Variants in LRP1B observed in about 807,000 individuals in gnomAD.
The protein encoded by LRP1B is low-density lipoprotein receptor-related protein 1B.
In LRP1B, 217 loss-of-function variants were observed where a neutral mutation model predicts 556.6. That is an observed-to-expected ratio of 0.39 (90% CI 0.35 to 0.44). LRP1B has a LOEUF of 0.44. Among genes scored for constraint, LRP1B ranks in the 20% least tolerant of loss-of-function variants. The pLI is 1.00. For missense variants in LRP1B, 5,053 were observed against 5,620.8 expected (o/e 0.90, Z 3.23); for synonymous variants, 2,047 against 1,865.8 (o/e 1.10, Z -2.50).
chr2:141,968,188 C>A (rs1574542741), intron 1 of LRP1B, among the ~76,000 whole-genome samples: 1 of 151,760 alleles, frequency 6.6e-6, no homozygotes, highest in Non-Finnish European at 1.5e-5. Context: ...AAATGTACAA[C>A]CGTTTTGACT....
chr2:141,411,678 A>T (rs1322678815), intron 3 of LRP1B, among the ~76,000 whole-genome samples: 1 of 152,118 alleles, frequency 6.6e-6, no homozygotes, highest in Non-Finnish European at 1.5e-5. Context: ...ATGCAGTTGA[A>T]ACAACAAATT....
chr2:142,063,489 A>T (rs943102114), intron 1 of LRP1B, among the ~76,000 whole-genome samples: 3 of 151,678 alleles, frequency 2.0e-5, no homozygotes, highest in African/African-American at 7.2e-5. Flanking sequence ...AACAAACAAA[A>T]GTTCTATTCA....
At chr2:140,714,563 G>A (rs1687145490) in intron 37 of LRP1B, among the ~76,000 whole-genome samples, 1 of 152,038 alleles carries the variant, frequency 6.6e-6, no homozygotes, top group Non-Finnish European at 1.5e-5. Context: ...AGACACAAGA[G>A]GTTCTATATA....
At chr2:141,316,982 A>G (rs1687057946) in intron 3 of LRP1B, among the ~76,000 whole-genome samples, 1 of 152,220 alleles carries the variant, frequency 6.6e-6, no homozygotes, top group Non-Finnish European at 1.5e-5. Context: ...GTGATGCCAC[A>G]AAAGGGAATT....
intron 47 of LRP1B, among the ~76,000 whole-genome samples, chr2:140,531,654 T>G (rs1447108451): frequency 6.6e-6 from 1 of 152,126 alleles, no homozygotes; most frequent in Non-Finnish European, 1.5e-5. Context: ...ATCAATCTTT[T>G]CTAAAAACTG....
At chr2:140,993,169 C>T (rs1164533105) in intron 16 of LRP1B, among the ~76,000 whole-genome samples, 1 of 151,094 alleles carries the variant, frequency 6.6e-6, no homozygotes, top group Admixed American at 6.6e-5. Context: ...TAGTTCAGAC[C>T]TAAAAAAGGA....
At chr2:140,368,144 A>G (rs896505992) in intron 71 of LRP1B, among the ~76,000 whole-genome samples, 5 of 151,862 alleles carry the variant, frequency 3.3e-5, no homozygotes, top group Admixed American at 6.6e-5. Context: ...GAAATGGCAT[A>G]AAGCACATAT....
rs200076554 is a variant in LRP1B at position 140,309,046 on chromosome 2, A to G, written c.12805+5889T>C. On this transcript the variant is annotated intron_variant, in intron 83 of 90. Transcript: ENST00000389484. The stretch of plus-strand genomic sequence containing the variant: ...TTGATTCAAGTAATAAAAGTTCTGA[A>G]TGCTTTAAAAAAATGCTAGTCTTTT... Among the ~76,000 whole-genome samples the G allele has an allele frequency of 2.0e-5, 3 of 151,830 alleles. No homozygotes were observed. The East Asian group carries it at 5.8e-4, about 29-fold the overall frequency.
intron 2 of LRP1B, among the ~76,000 whole-genome samples, chr2:141,592,508 G>A (rs1482931888): frequency 1.3e-5 from 2 of 152,012 alleles, no homozygotes; most frequent in Non-Finnish European, 2.9e-5. Flanking sequence ...ATATGATGAT[G>A]GTATCTTGGT....
chr2:140,967,319 T>C (rs577528353), intron 18 of LRP1B, among the ~76,000 whole-genome samples: 41 of 106,530 alleles, frequency 3.8e-4, no homozygotes, highest in African/African-American at 1.2e-3. Context: ...TGAATGGGAG[T>C]TCACTCACGA....
chr2:141,549,114 A>G (rs770605973), intron 2 of LRP1B, among the ~76,000 whole-genome samples: 17 of 152,192 alleles, frequency 1.1e-4, no homozygotes, highest in Non-Finnish European at 2.2e-4. Context: ...TTGAGAAGAC[A>G]TATAGTAATG....
At chr2:140,726,678 T>C (rs559493233) in intron 35 of LRP1B, among the ~76,000 whole-genome samples, 1 of 152,224 alleles carries the variant, frequency 6.6e-6, no homozygotes. Context: ...TTTTAAATTA[T>C]ATAGATATTG....
chr2:140,900,177 C>T (rs1473393620), intron 23 of LRP1B, among the ~76,000 whole-genome samples: 1 of 152,112 alleles, frequency 6.6e-6, no homozygotes, highest in Non-Finnish European at 1.5e-5. Context: ...TCCCTGGTCA[C>T]CTGTATTTAA....
chr2:140,741,410 T>C (rs1266373777), intron 35 of LRP1B, among the ~76,000 whole-genome samples: 1 of 145,818 alleles, frequency 6.9e-6, no homozygotes, highest in Non-Finnish European at 1.5e-5. Context: ...AACATGACTC[T>C]GAAGATGACA....
In LRP1B at chr2:141,877,827, T is replaced by A. The variant is rs189839811; in HGVS notation, c.83-67426A>T. On this transcript the variant is annotated intron_variant, in intron 1 of 90. Transcript: ENST00000389484. ...TTTGGAACTGTCCATAAAAGGGTAA[T>A]GTTGAGGCAATTGCAGTATTTTAGA... Among the ~76,000 whole-genome samples the A allele has an allele frequency of 2.6e-5, 4 of 152,050 alleles. No homozygotes were observed. The East Asian group carries it at 5.8e-4, about 22-fold the overall frequency.
chr2:142,044,581 G>A (rs573253240), intron 1 of LRP1B, among the ~76,000 whole-genome samples: 2 of 151,844 alleles, frequency 1.3e-5, no homozygotes, highest in African/African-American at 4.8e-5. Context: ...ACTATTTTAT[G>A]TAACATAAAC....
At position 140,632,835 on chromosome 2, in the gene LRP1B, G is replaced by A. The variant is rs927054246; in HGVS notation, c.6800-31196C>T. ...CCCAGCACTTTTGGGAGGCTGAGGC[G>A]CGTGGGTCACGAGGTCAGGAGATCG... On this transcript the variant is annotated intron_variant, in intron 41 of 90. Coordinates refer to ENST00000389484, the MANE Select transcript of LRP1B (RefSeq NM_018557.3). Among the ~76,000 whole-genome samples, 26 of 152,064 alleles carry A rather than the reference G, an allele frequency of 1.7e-4. 1 individual carries two copies. The highest frequency in any genetic ancestry group is 3.9e-4 in the East Asian group (2 of 5,174).
chr2:140,631,485 T>C (rs1683882236), intron 41 of LRP1B, among the ~76,000 whole-genome samples: 1 of 152,172 alleles, frequency 6.6e-6, no homozygotes, highest in Non-Finnish European at 1.5e-5. Context: ...TAAAAGTAAG[T>C]GGTGGAAATA....
rs2105343720 is a variant in LRP1B, at chr2:140,982,215, C to A, written c.2832G>T (p.Trp944Cys). The part of the protein sequence containing the change: ...CGNGRCIPRA[W>C]LCDREDDCGD... ...CACAGTCGTCTTCCCTGTCACACAG[C>A]CATGCTCTGGGAATGCAACGCCCAT... The change falls in exon 18 of 91, where the codon TGG becomes TGT. Residue 944 changes from tryptophan (W) to cysteine (C), a missense_variant. Transcript: ENST00000389484. 1 of 1,613,430 alleles carries A rather than the reference C, an allele frequency of 6.2e-7. No individual in the cohort carries two copies. The highest frequency in any genetic ancestry group is 1.1e-5 in the South Asian group (1 of 91,068).
Sources: allele counts gnomAD v4.1 joint callset (sites outside exome capture counted in the v4.1 genomes callset), GRCh38; gene constraint gnomAD v4.1.1; transcripts MANE v1.5; gene names NCBI Gene and HGNC (gene_info 2026-07-23, HGNC 2026-07-21).